RADIL: variants seen among roughly 807,000 people sequenced by gnomAD.
RADIL encodes ras-associating and dilute domain-containing protein.
In RADIL, 99 loss-of-function variants were observed where a neutral mutation model predicts 97.6. The ratio of observed to expected loss-of-function variants is 1.01; its 90% CI spans 0.86 to 1.20. RADIL has a LOEUF of 1.20. Among genes scored for constraint, RADIL ranks in the 50% most tolerant of loss-of-function variants. RADIL has a pLI of 0.00. For missense variants in RADIL, 1,765 were observed against 1,498.9 expected (o/e 1.18, Z -2.93); for synonymous variants, 803 against 691.8 (o/e 1.16, Z -2.52).
chr7:4,883,493 C>G lies in RADIL; in HGVS notation c.-65+103G>C, dbSNP rs1298183296. ...CAGCGGCCGGGAGTGTCCCCGAGCG[C>G]GCCCCGCGGCCTCCGCGCCCCAGGT... is the stretch of plus-strand genomic sequence containing the variant. On this transcript the variant is annotated intron_variant, in intron 1 of 14. Transcript: ENST00000399583. This position sits in a 1 kb window ranked among gnomAD's most constrained non-coding sequence, Gnocchi z 7.1. 1 of 152,478 alleles carries G rather than the reference C, an allele frequency of 6.6e-6. No homozygotes were observed. The highest frequency in any genetic ancestry group is 1.5e-5 in the Non-Finnish European group (1 of 68,380). 9.4% of individuals were successfully genotyped at this position (152,478 alleles called of 1,614,324 possible). A position where few individuals can be genotyped will look rare whatever the true frequency, so the allele number is the denominator to read the frequency against.
intron 2 of RADIL, chr7:4,865,603 C>G (rs1252065862): frequency 3.7e-6 from 3 of 807,200 alleles, no homozygotes; most frequent in South Asian, 2.7e-5. Flanking sequence ...TGATCTTGCT[C>G]TTGCTCCTTT....
chr7:4,855,639 A>G (rs1385372098), intron 2 of RADIL, among the ~76,000 whole-genome samples: 2 of 151,152 alleles, frequency 1.3e-5, no homozygotes, highest in Admixed American at 1.3e-4. Flanking sequence ...AAAAAAAAAA[A>G]AAAAAAAAGA....
intron 2 of RADIL, among the ~76,000 whole-genome samples, chr7:4,863,071 C>T (rs55893384): frequency 0.12 from 17,668 of 152,144 alleles, 1,182 homozygotes; most frequent in African/African-American, 0.16. Context: ...CATCTAGACA[C>T]GTTGTCAACC....
chr7:4,801,867 C>T lies in RADIL; in HGVS notation c.2628G>A (p.Trp876Ter), dbSNP rs1782098286. The T allele has an allele frequency of 6.3e-7, 1 of 1,590,644 alleles. No homozygotes were observed. Residue 876 changes from tryptophan to a stop codon, truncating the protein, a stop_gained, in exon 12 of 15, where the codon TGG becomes TGA. Transcript: ENST00000399583. LOFTEE classifies it high-confidence loss of function. ...ERTLPLRGAP[W>*]AQAPPGRQPS... ...GTTGCCTTCCAGGGGGGGCCTGTGC[C>T]CAGGGAGCCCCCCTCAAGGGAAGAG...
At position 4,833,682 on chromosome 7, in the gene RADIL, CG is replaced by C. The variant is rs1783210609; in HGVS notation, c.1416+924del. ...AGTGGTTCCCCCTTCCCCTGTCTGC[CG>C]GGGATAAGCGGGGCCCAGACTAGCG... On this transcript the variant is annotated intron_variant, in intron 4 of 14. Coordinates refer to ENST00000399583, the MANE Select transcript of RADIL (RefSeq NM_018059.5). 3.3e-5 allele frequency among the ~76,000 whole-genome samples: 5 copies of C among 152,272 alleles called. No homozygotes were observed. The South Asian group carries it at 8.3e-4, about 25-fold the overall frequency.
In RADIL at chr7:4,823,331, C is replaced by CTTT. The variant is rs60439750; in HGVS notation, c.1455-780_1455-778dup. ...ATTAGTCTGGCTAATTATTAAAAAC[C>CTTT]TTTTTTTTTTTTTTTTTTTTTAGAG... On this transcript the variant is annotated intron_variant, in intron 5 of 14. Transcript: ENST00000399583. 4.1e-3 allele frequency among the ~76,000 whole-genome samples: 532 copies of CTTT among 129,546 alleles called. 6 individuals are homozygous for CTTT. Among genetic ancestry groups the CTTT allele is most frequent in the African/African-American group, 0.014 (478 of 33,026 alleles). The allele number at this position is 129,546 out of a possible 152,430, so 85.0% of individuals were successfully genotyped here.
In RADIL at chr7:4,805,633, G is replaced by A. The variant is rs766092317; in HGVS notation, c.2223C>T (p.Ala741=). The A allele has an allele frequency of 8.1e-6, 13 of 1,611,776 alleles. No individual in the cohort carries two copies. The highest frequency in any genetic ancestry group is 5.0e-5 in the Admixed American group (3 of 60,010). Reference sequence around the variant, plus strand: ...AGGTGCTCATGGGGCCCATGGCCGAGGCCAGCTGGTAGTGAGTCAGCAGCC... The same window carrying A: ...AGGTGCTCATGGGGCCCATGGCCGAAGCCAGCTGGTAGTGAGTCAGCAGCC... ...LHRLLTHYQL[A]SAMGPMSTWE... is the part of the protein sequence containing the mutation. Residue 741 remains alanine (A), a synonymous_variant, in exon 10 of 15, where the codon GCC becomes GCT. Coordinates refer to ENST00000399583, the MANE Select transcript of RADIL (RefSeq NM_018059.5).
At position 4,880,880 on chromosome 7, in the gene RADIL, T is replaced by C. The variant is rs913250120; in HGVS notation, c.-64-2677A>G. Among the ~76,000 whole-genome samples, 1 of 152,138 alleles carries C rather than the reference T, an allele frequency of 6.6e-6. No homozygotes were observed. Among genetic ancestry groups the C allele is most frequent in the Non-Finnish European group, 1.5e-5 (1 of 68,028 alleles). On this transcript the variant is annotated intron_variant, in intron 1 of 14. Coordinates refer to ENST00000399583, the MANE Select transcript of RADIL (RefSeq NM_018059.5). The surrounding 1 kb of genome is among the most constrained non-coding windows in gnomAD (Gnocchi z 4.5). ...AAAAGGCCAAGGCAGGAGAATGGCT[T>C]AAGGCCAGGAGTTCAAGACTAGCCT...
At chr7:4,870,568 A>G (rs138137280) in intron 2 of RADIL, among the ~76,000 whole-genome samples, 13,659 of 152,064 alleles carry the variant, frequency 0.09, 1,196 homozygotes, top group African/African-American at 0.23. Flanking sequence ...CAGCCTCCCA[A>G]GTAGCTGGGA....
chr7:4,820,081 A>G (rs115329949), intron 6 of RADIL, among the ~76,000 whole-genome samples: 4,584 of 152,294 alleles, frequency 0.03, 223 homozygotes, highest in African/African-American at 0.1. Flanking sequence ...CAGGTCCCTG[A>G]GCTGACTCTT....
chr7:4,804,462 G>A (rs144579243), intron 10 of RADIL, among the ~76,000 whole-genome samples: 1 of 152,284 alleles, frequency 6.6e-6, no homozygotes, highest in African/African-American at 2.4e-5. Context: ...TAATGCAGAT[G>A]AAGGGAGATG....
rs143487303 is a variant in RADIL at position 4,800,201 on chromosome 7, G to A, written c.2952C>T (p.Ser984=). 1.7e-4 allele frequency: 278 copies of A among 1,608,640 alleles called. 1 individual carries two copies. In the African/African-American group the frequency reaches 2.4e-3, roughly 14 times the overall value. ...VFTVELERGP[S]GLGMGLIDGM... Reference sequence around the variant, plus strand: ...CGTCGATCAGGCCCATCCCCAGCCCGGAGGGGCCTCGTTCCAGCTCCACCG... The same window carrying A: ...CGTCGATCAGGCCCATCCCCAGCCCAGAGGGGCCTCGTTCCAGCTCCACCG... Residue 984 remains serine, a synonymous_variant, in exon 13 of 15, where the codon TCC becomes TCT. Coordinates refer to ENST00000399583, the MANE Select transcript of RADIL (RefSeq NM_018059.5).
At chr7:4,859,938 C>T in intron 2 of RADIL, 1 of 1,613,778 alleles carries the variant, frequency 6.2e-7, no homozygotes, top group Non-Finnish European at 8.5e-7. Context: ...TCCTGAAGGT[C>T]TGGATGGCTT....
intron 2 of RADIL, among the ~76,000 whole-genome samples, chr7:4,874,355 G>A (rs1784320859): frequency 6.6e-6 from 1 of 152,264 alleles, no homozygotes; most frequent in African/African-American, 2.4e-5. Flanking sequence ...AGCGGAGCCT[G>A]GCTTATCCAC....
intron 2 of RADIL, chr7:4,858,492 G>T (rs1783890529): frequency 6.6e-6 from 1 of 152,538 alleles, no homozygotes; most frequent in East Asian, 1.9e-4. Flanking sequence ...TCAAGTGCTT[G>T]CTAGAAATTA....
rs746563809 is a variant in RADIL at position 4,861,504 on chromosome 7, A to T, written c.535+16101T>A. ...TTCGTATGTACTCCTAATCTGTAAG[A>T]GCCAAACGTAAAAATCTTTCCTCCA... On this transcript the variant is annotated intron_variant, in intron 2 of 14. Coordinates refer to ENST00000399583, the MANE Select transcript of RADIL (RefSeq NM_018059.5). 7 of 1,613,952 alleles carry T rather than the reference A, an allele frequency of 4.3e-6. No homozygotes were observed. The highest frequency in any genetic ancestry group is 5.9e-6 in the Non-Finnish European group (7 of 1,179,918).
intron 10 of RADIL, chr7:4,804,103 C>T (rs958047816): frequency 2.8e-6 from 1 of 352,148 alleles, no homozygotes; most frequent in Non-Finnish European, 5.6e-6. Flanking sequence ...TCCCCCAGCC[C>T]GGCAGAGCTG....
chr7:4,862,572 C>T (rs1784041380), intron 2 of RADIL, among the ~76,000 whole-genome samples: 1 of 152,206 alleles, frequency 6.6e-6, no homozygotes. Context: ...CCTGTGATCC[C>T]ACCACTGTGT....
intron 2 of RADIL, among the ~76,000 whole-genome samples, chr7:4,844,084 C>A (rs551142200): frequency 2.6e-5 from 4 of 152,188 alleles, no homozygotes; most frequent in African/African-American, 9.6e-5. Context: ...AACCACTTCT[C>A]TTCAAATTTG....
Sources: allele counts gnomAD v4.1 joint callset (sites outside exome capture counted in the v4.1 genomes callset), GRCh38; gene constraint gnomAD v4.1.1; non-coding constraint Gnocchi (gnomAD v3.1); transcripts MANE v1.5; gene names NCBI Gene and HGNC (gene_info 2026-07-23, HGNC 2026-07-21).